ARSB: variants seen among roughly 807,000 people sequenced by gnomAD.
ARSB encodes arylsulfatase B, also known as N-acetylgalactosamine-4-sulfatase.
A neutral mutation model predicts 50.9 loss-of-function variants in ARSB; 41 were observed. The observed-to-expected ratio is 0.81, with a 90% confidence interval of 0.63 to 1.04. ARSB has a LOEUF of 1.04. Ranked by LOEUF, ARSB falls within the 50% of genes least tolerant of loss-of-function variation. ARSB has a pLI of 0.00. For synonymous variants in ARSB, 269 were observed against 284.8 expected (o/e 0.94, Z 0.56); for missense variants, 672 against 693.3 (o/e 0.97, Z 0.35).
At chr5:78,959,377 G>C (rs1421231437) in intron 3 of ARSB, among the ~76,000 whole-genome samples, 4 of 151,624 alleles carry the variant, frequency 2.6e-5, no homozygotes, top group African/African-American at 9.7e-5. Flanking sequence ...CAGCTCACTG[G>C]AGGGCCAGTG....
chr5:78,888,275 T>G (rs561739641), intron 4 of ARSB, among the ~76,000 whole-genome samples: 1 of 152,310 alleles, frequency 6.6e-6, no homozygotes, highest in Non-Finnish European at 1.5e-5. Flanking sequence ...CAGACCCGTA[T>G]ATTCAAAACA....
chr5:78,783,145 A>C (rs1192541237), intron 6 of ARSB, among the ~76,000 whole-genome samples: 3 of 152,186 alleles, frequency 2.0e-5, no homozygotes, highest in Admixed American at 1.3e-4. Flanking sequence ...CTTTTCAAAT[A>C]TGGTCACAGC....
At chr5:78,837,648 T>A (rs1745009420) in intron 6 of ARSB, among the ~76,000 whole-genome samples, 1 of 152,184 alleles carries the variant, frequency 6.6e-6, no homozygotes, top group African/African-American at 2.4e-5. Flanking sequence ...ATTCAATATA[T>A]CCAAAGTATT....
At chr5:78,860,371 C>T (rs1746373759) in intron 5 of ARSB, among the ~76,000 whole-genome samples, 1 of 152,112 alleles carries the variant, frequency 6.6e-6, no homozygotes, top group African/African-American at 2.4e-5. Flanking sequence ...TAAAGCACTC[C>T]TCAGCAAATG....
chr5:78,901,315 G>A (rs1381784929), intron 4 of ARSB, among the ~76,000 whole-genome samples: 1 of 152,102 alleles, frequency 6.6e-6, no homozygotes, highest in Admixed American at 6.5e-5. Flanking sequence ...GGAGACGGGG[G>A]ATTACTCTGC....
chr5:78,882,214 T>A (rs1012224357), intron 5 of ARSB, among the ~76,000 whole-genome samples: 3 of 152,182 alleles, frequency 2.0e-5, no homozygotes, highest in Non-Finnish European at 4.4e-5. Context: ...ATTAGAATAA[T>A]ATTTCTAGGT....
At chr5:78,855,101 C>T (rs1199268340) in intron 5 of ARSB, among the ~76,000 whole-genome samples, 2 of 152,154 alleles carry the variant, frequency 1.3e-5, no homozygotes, top group Non-Finnish European at 2.9e-5. Flanking sequence ...AGCTGTTTGG[C>T]CTGCAGGATG....
chr5:78,984,668 C>T (rs938933811), intron 1 of ARSB, among the ~76,000 whole-genome samples: 2 of 152,134 alleles, frequency 1.3e-5, no homozygotes, highest in Admixed American at 1.3e-4. Context: ...TCGCCCGGAG[C>T]TTCAGAAAAC....
At chr5:78,852,470 C>G (rs1008037831) in intron 5 of ARSB, among the ~76,000 whole-genome samples, 58 of 152,284 alleles carry the variant, frequency 3.8e-4, no homozygotes, top group African/African-American at 1.3e-3. Flanking sequence ...CCCGACCTTT[C>G]TCTCTGGCTG....
At chr5:78,869,841 C>CA (rs1320585037) in intron 5 of ARSB, among the ~76,000 whole-genome samples, 1 of 147,368 alleles carries the variant, frequency 6.8e-6, no homozygotes, top group Non-Finnish European at 1.5e-5. Flanking sequence ...AATAGAGACA[C>CA]AAAAAACCCT....
At chr5:78,798,325 C>T (rs1165650594) in intron 6 of ARSB, among the ~76,000 whole-genome samples, 1 of 149,940 alleles carries the variant, frequency 6.7e-6, no homozygotes. Flanking sequence ...TGTCTAAATA[C>T]ACGTTTTTTT....
intron 4 of ARSB, among the ~76,000 whole-genome samples, chr5:78,929,662 G>A (rs575649749): frequency 1.1e-4 from 17 of 151,976 alleles, no homozygotes; most frequent in African/African-American, 4.1e-4. Flanking sequence ...GTGTGGTGGT[G>A]GGTGCCTGTA....
intron 2 of ARSB, among the ~76,000 whole-genome samples, chr5:78,966,980 G>A (rs1752235936): frequency 1.3e-5 from 2 of 150,790 alleles, no homozygotes; most frequent in Non-Finnish European, 2.9e-5. Flanking sequence ...TGGTGGACCT[G>A]GATGAGAGTG....
intron 5 of ARSB, among the ~76,000 whole-genome samples, chr5:78,853,887 T>C (rs1745996756): frequency 1.3e-5 from 2 of 152,252 alleles, no homozygotes; most frequent in Non-Finnish European, 2.9e-5. Flanking sequence ...AATCTCCTAG[T>C]GTGCCGTTTT....
rs148084939 is a variant in ARSB at position 78,892,143 on chromosome 5, A to G, written c.899-6316T>C. 1.6e-4 allele frequency among the ~76,000 whole-genome samples: 25 copies of G among 152,300 alleles called. 1 individual carries two copies. The highest frequency in any genetic ancestry group is 6.0e-4 in the African/African-American group (25 of 41,554). ...ATAGGCTCCTATCTGGATATTTACT[A>G]AACATATATTAGATTTAAGTATCAT... On this transcript the variant is annotated intron_variant, in intron 4 of 7. Transcript: ENST00000264914.
chr5:78,953,876 C>T (rs993979311), intron 4 of ARSB, among the ~76,000 whole-genome samples: 3 of 152,108 alleles, frequency 2.0e-5, no homozygotes, highest in Non-Finnish European at 4.4e-5. Flanking sequence ...TATATACACA[C>T]ACACATAATA....
chr5:78,869,996 C>T (rs1434348455), intron 5 of ARSB, among the ~76,000 whole-genome samples: 1 of 143,232 alleles, frequency 7.0e-6, no homozygotes, highest in Non-Finnish European at 1.5e-5. Flanking sequence ...CCACCGATCC[C>T]ACAGAAATAC....
intron 5 of ARSB, among the ~76,000 whole-genome samples, chr5:78,851,833 T>C (rs569204219): frequency 6.6e-6 from 1 of 152,248 alleles, no homozygotes; most frequent in Admixed American, 6.5e-5. Context: ...TTTGTCTCTT[T>C]TGATCTTTGT....
chr5:78,797,082 T>G (rs1429150995), intron 6 of ARSB, among the ~76,000 whole-genome samples: 10 of 151,978 alleles, frequency 6.6e-5, no homozygotes, highest in African/African-American at 2.4e-4. Context: ...GTTTCACCGT[T>G]TTAGCCGGGA....
Sources: gnomAD v4.1 joint callset for allele counts (sites outside exome capture counted in the v4.1 genomes callset) on GRCh38, gnomAD v4.1.1 for gene constraint, MANE v1.5 for transcripts, NCBI Gene and HGNC (gene_info 2026-07-23, HGNC 2026-07-21) for gene names.